The following GPC6 variants were observed in gnomAD, a reference collection of about 807,000 sequenced individuals.
The protein encoded by GPC6 is glypican-6.
Under a neutral mutation model 55.2 loss-of-function variants are expected in GPC6, and 14 were observed. The observed-to-expected ratio is 0.25, with a 90% CI of 0.17 to 0.40. The LOEUF is 0.40. GPC6 is among the 10% of genes least tolerant of loss of function. The pLI is 1.00. For missense variants in GPC6, 641 were observed against 708.5 expected (o/e 0.90, Z 1.08); for synonymous variants, 278 against 259.6 (o/e 1.07, Z -0.68).
At chr13:93,906,104 T>C (rs1876650769) in intron 3 of GPC6, among the ~76,000 whole-genome samples, 1 of 152,158 alleles carries the variant, frequency 6.6e-6, no homozygotes. Context: ...TCTCAGAACC[T>C]CAGTGCAAGA....
chr13:93,324,512 C>G (rs1879569288), intron 1 of GPC6, among the ~76,000 whole-genome samples: 3 of 137,530 alleles, frequency 2.2e-5, no homozygotes, highest in Admixed American at 2.2e-4. Flanking sequence ...GTATTACATG[C>G]TTGTATTAAA....
intron 5 of GPC6, among the ~76,000 whole-genome samples, chr13:94,300,741 G>A (rs1318857911): frequency 2.0e-5 from 3 of 152,184 alleles, no homozygotes; most frequent in African/African-American, 7.2e-5. Flanking sequence ...GCAGGCAGCG[G>A]TCAGGAGGTG....
At chr13:94,322,711 T>G (rs1876893294) in intron 6 of GPC6, among the ~76,000 whole-genome samples, 2 of 152,176 alleles carry the variant, frequency 1.3e-5, no homozygotes, top group Admixed American at 1.3e-4. Context: ...AAAGCACTTT[T>G]TAGATGGAGA....
At chr13:94,222,708 G>C (rs1027720434) in intron 4 of GPC6, among the ~76,000 whole-genome samples, 1 of 152,106 alleles carries the variant, frequency 6.6e-6, no homozygotes, top group Non-Finnish European at 1.5e-5. Context: ...TTAAAATCAA[G>C]AAGTATCTAA....
chr13:94,269,684 C>T (rs967534953), intron 4 of GPC6, among the ~76,000 whole-genome samples: 11 of 152,116 alleles, frequency 7.2e-5, no homozygotes, highest in African/African-American at 2.7e-4. Flanking sequence ...CCACTTTTGT[C>T]CCCAACCTGA....
At chr13:93,355,321 G>A (rs1408209) in intron 1 of GPC6, among the ~76,000 whole-genome samples, 64,024 of 151,940 alleles carry the variant, frequency 0.42, 15,065 homozygotes, top group East Asian at 0.92. Flanking sequence ...CAGGGTAAGA[G>A]CACACATGAC....
At chr13:93,983,178 G>A (rs11838698) in intron 3 of GPC6, among the ~76,000 whole-genome samples, 6,151 of 152,256 alleles carry the variant, frequency 0.04, 287 homozygotes, top group East Asian at 0.12. Flanking sequence ...CAAAAGAAAA[G>A]CTTGTGCAAG....
intron 4 of GPC6, among the ~76,000 whole-genome samples, chr13:94,161,723 G>A (rs1366569316): frequency 6.6e-6 from 1 of 152,050 alleles, no homozygotes; most frequent in Non-Finnish European, 1.5e-5. Context: ...AGAATATTCT[G>A]CACTTCAGTT....
rs1186215536 is a variant in GPC6, at chr13:93,239,958, T to C, written c.160+12342T>C. Among the ~76,000 whole-genome samples, 24 of 152,126 alleles carry C rather than the reference T, an allele frequency of 1.6e-4. 1 individual carries two copies. Among genetic ancestry groups the C allele is most frequent in the Admixed American group, 1.6e-3 (24 of 15,278 alleles). ...ATAGTTTTGGGAATCCCTCTTGGAA[T>C]TGATTTTTAGGTTTATTCTGCTGCA... On this transcript the variant is annotated intron_variant, in intron 1 of 8. Coordinates refer to ENST00000377047, the MANE Select transcript of GPC6 (RefSeq NM_005708.5).
chr13:93,983,996 T>C (rs1248236405), intron 3 of GPC6, among the ~76,000 whole-genome samples: 1 of 152,190 alleles, frequency 6.6e-6, no homozygotes, highest in Non-Finnish European at 1.5e-5. Context: ...AATGGTAATT[T>C]GCATCATTCT....
chr13:93,494,299 A>T (rs1880161458), intron 1 of GPC6, among the ~76,000 whole-genome samples: 1 of 135,486 alleles, frequency 7.4e-6, no homozygotes, highest in African/African-American at 2.8e-5. Flanking sequence ...GTCTCTTTTG[A>T]TCTTTGTTGG....
chr13:94,266,443 C>T (rs1250245271), intron 4 of GPC6, among the ~76,000 whole-genome samples: 1 of 152,176 alleles, frequency 6.6e-6, no homozygotes. Flanking sequence ...GCTGGGATTA[C>T]AGGCGTGAGC....
intron 1 of GPC6, among the ~76,000 whole-genome samples, chr13:93,444,023 A>G (rs987813473): frequency 2.6e-5 from 4 of 152,156 alleles, no homozygotes; most frequent in African/African-American, 7.2e-5. Context: ...TAGAGAATCA[A>G]TCCATTACTT....
At chr13:93,268,548 C>A (rs375082472) in intron 1 of GPC6, among the ~76,000 whole-genome samples, 1 of 151,662 alleles carries the variant, frequency 6.6e-6, no homozygotes, top group East Asian at 1.9e-4. Context: ...GTCGATGGAG[C>A]CTTTCTTGCT....
chr13:93,672,406 G>C (rs986565802), intron 2 of GPC6, among the ~76,000 whole-genome samples: 1 of 151,902 alleles, frequency 6.6e-6, no homozygotes, highest in African/African-American at 2.4e-5. Flanking sequence ...GCCTCTGCTG[G>C]TGAAACTGCT....
chr13:94,032,074 A>G (rs1883161625), intron 4 of GPC6, among the ~76,000 whole-genome samples: 1 of 152,168 alleles, frequency 6.6e-6, no homozygotes, highest in Non-Finnish European at 1.5e-5. Context: ...ATTTCATACT[A>G]CTTTTTATCC....
chr13:93,933,617 A>G (rs898869948), intron 3 of GPC6, among the ~76,000 whole-genome samples: 7 of 152,190 alleles, frequency 4.6e-5, no homozygotes, highest in African/African-American at 1.7e-4. Context: ...ATGGTTGTAT[A>G]TAAAAGTATA....
chr13:93,865,802 A>T (rs866591349), intron 3 of GPC6, among the ~76,000 whole-genome samples: 5 of 151,908 alleles, frequency 3.3e-5, no homozygotes, highest in Admixed American at 1.3e-4. Context: ...AGGCAAAAGA[A>T]GAACTGATGG....
intron 2 of GPC6, among the ~76,000 whole-genome samples, chr13:93,598,737 C>T (rs1249423282): frequency 6.6e-6 from 1 of 152,134 alleles, no homozygotes; most frequent in Non-Finnish European, 1.5e-5. Context: ...TATGATTTTC[C>T]CATATTGCCA....
Sources: gnomAD v4.1 joint callset for allele counts (sites outside exome capture counted in the v4.1 genomes callset) on GRCh38, gnomAD v4.1.1 for gene constraint, MANE v1.5 for transcripts, NCBI Gene and HGNC (gene_info 2026-07-23, HGNC 2026-07-21) for gene names.